Variants in EXOC2 observed in about 807,000 individuals in gnomAD.
EXOC2 encodes exocyst complex component 2, also known as SEC5-like 1.
EXOC2 carries 70 observed loss-of-function variants against 131.8 expected under a neutral mutation model. The observed-to-expected ratio is 0.53, with a 90% CI of 0.44 to 0.65. The LOEUF is 0.65. Among genes scored for constraint, EXOC2 ranks in the 30% least tolerant of loss-of-function variants. The pLI, the probability that EXOC2 is intolerant of heterozygous loss-of-function variation, is 0.00. For synonymous variants in EXOC2, 411 were observed against 398.4 expected (o/e 1.03, Z -0.38); for missense variants, 923 against 1,108.6 (o/e 0.83, Z 2.38).
At chr6:656,239 G>A (rs1170260139) in intron 1 of EXOC2, 1 of 1,614,112 alleles carries the variant, frequency 6.2e-7, no homozygotes, top group East Asian at 2.2e-5. Context: ...AACTGCAGAA[G>A]CTTCCGATTG....
intron 5 of EXOC2, 68 bp downstream of exon 5, chr6:619,362 T>C: frequency 3.1e-6 from 4 of 1,296,676 alleles, no homozygotes; most frequent in South Asian, 1.2e-5. Flanking sequence ...AAACTCGAGT[T>C]ACCGTGTAAT....
chr6:531,523 A>G (rs1039265706), intron 23 of EXOC2, among the ~76,000 whole-genome samples: 5 of 143,780 alleles, frequency 3.5e-5, no homozygotes, highest in African/African-American at 1.3e-4. Flanking sequence ...TAATTTAATG[A>G]TCCCAGTTTT....
intron 10 of EXOC2, 91 bp from the exon 11 acceptor site, chr6:592,678 G>T: frequency 1.2e-6 from 1 of 860,864 alleles, no homozygotes. Flanking sequence ...TTATCAATTA[G>T]TCTTGTGCCC....
intron 22 of EXOC2, among the ~76,000 whole-genome samples, chr6:540,585 AAG>A (rs1202480645): frequency 6.6e-6 from 1 of 152,214 alleles, no homozygotes; most frequent in South Asian, 2.1e-4. Context: ...AAGGAACAAA[AAG>A]AGAGAGCTGA....
intron 1 of EXOC2, among the ~76,000 whole-genome samples, chr6:683,989 G>A (rs1435850217): frequency 6.6e-6 from 1 of 152,190 alleles, no homozygotes; most frequent in African/African-American, 2.4e-5. Context: ...AGAAACTCTG[G>A]GCACAATTCC....
intron 1 of EXOC2, among the ~76,000 whole-genome samples, chr6:672,504 T>C (rs912972047): frequency 1.3e-5 from 2 of 152,214 alleles, no homozygotes; most frequent in Non-Finnish European, 2.9e-5. Context: ...CAAAGCTGGA[T>C]ATGCTGTATT....
At chr6:493,028 A>G (rs1357075746) in intron 25 of EXOC2, among the ~76,000 whole-genome samples, 1 of 152,240 alleles carries the variant, frequency 6.6e-6, no homozygotes, top group Non-Finnish European at 1.5e-5. Flanking sequence ...ACTGACAATG[A>G]TAACTTGATG....
intron 17 of EXOC2, among the ~76,000 whole-genome samples, chr6:559,356 G>A (rs984417086): frequency 2.6e-5 from 4 of 152,156 alleles, no homozygotes; most frequent in African/African-American, 9.7e-5. Context: ...GATATCTAAT[G>A]TTTAGAAAAA....
intron 23 of EXOC2, among the ~76,000 whole-genome samples, chr6:524,528 G>A (rs918604194): frequency 4.6e-5 from 7 of 152,126 alleles, no homozygotes; most frequent in African/African-American, 7.2e-5. Flanking sequence ...ACGCTAGTCT[G>A]TAATTTTCTC....
At chr6:497,310 T>G in intron 25 of EXOC2, 57 bp downstream of exon 25, 2 of 1,550,740 alleles carry the variant, frequency 1.3e-6, no homozygotes, top group Non-Finnish European at 1.8e-6. Flanking sequence ...ACTAAAAACA[T>G]TTTATATGCT....
intron 11 of EXOC2, among the ~76,000 whole-genome samples, chr6:588,129 G>A (rs1244886100): frequency 1.3e-5 from 2 of 152,032 alleles, no homozygotes; most frequent in Admixed American, 6.6e-5. Context: ...AGTGAAAATC[G>A]CTTCTGACCT....
At chr6:616,891 C>T (rs1408393234) in intron 6 of EXOC2, among the ~76,000 whole-genome samples, 1 of 151,826 alleles carries the variant, frequency 6.6e-6, no homozygotes, top group Non-Finnish European at 1.5e-5. Context: ...TACAGGTATG[C>T]ACTACGCCTG....
At chr6:530,726 G>A (rs1284009578) in intron 23 of EXOC2, among the ~76,000 whole-genome samples, 1 of 152,236 alleles carries the variant, frequency 6.6e-6, no homozygotes, top group Admixed American at 6.5e-5. Flanking sequence ...GAGTACTGCT[G>A]GCCCTCTGCA....
At chr6:669,761 C>T (rs1763779615) in intron 1 of EXOC2, 1 of 152,176 alleles carries the variant, frequency 6.6e-6, no homozygotes, top group Admixed American at 6.5e-5. Flanking sequence ...GTCCTGTAGC[C>T]CATCAATGAG....
intron 6 of EXOC2, among the ~76,000 whole-genome samples, chr6:614,721 T>C (rs954227830): frequency 2.6e-5 from 4 of 152,212 alleles, no homozygotes; most frequent in Non-Finnish European, 5.9e-5. Flanking sequence ...TTGTCTGTCA[T>C]GTTTAATATA....
intron 10 of EXOC2, among the ~76,000 whole-genome samples, chr6:594,977 G>T (rs1484545226): frequency 2.0e-5 from 3 of 150,408 alleles, no homozygotes; most frequent in African/African-American, 7.5e-5. Context: ...TGTTAATTAT[G>T]ATTAACACAG....
chr6:592,033 T>A (rs1759568376), intron 11 of EXOC2, among the ~76,000 whole-genome samples: 1 of 152,186 alleles, frequency 6.6e-6, no homozygotes, highest in South Asian at 2.1e-4. Context: ...TTTCATCACA[T>A]GTCCCAGCAT....
At chr6:597,077 C>T (rs1759858608) in intron 10 of EXOC2, among the ~76,000 whole-genome samples, 1 of 152,280 alleles carries the variant, frequency 6.6e-6, no homozygotes, top group Admixed American at 6.5e-5. Context: ...GAACTCAAGT[C>T]GGTTGCCCAA....
At chr6:497,947 C>A (rs1323192042) in intron 24 of EXOC2, among the ~76,000 whole-genome samples, 2 of 152,148 alleles carry the variant, frequency 1.3e-5, no homozygotes, top group Admixed American at 1.3e-4. Context: ...AACAAGCCCC[C>A]CCTCCACAAT....
Sources: gnomAD v4.1 joint callset for allele counts (sites outside exome capture counted in the v4.1 genomes callset) on GRCh38, gnomAD v4.1.1 for gene constraint, MANE v1.5 for transcripts, NCBI Gene and HGNC (gene_info 2026-07-23, HGNC 2026-07-21) for gene names.